ABTB3: variants seen among roughly 807,000 people sequenced by gnomAD.
The protein encoded by ABTB3 is ankyrin repeat- and BTB/POZ domain-containing protein 3.
chr12:107,539,536 C>A, the ABTB3 span, among the ~76,000 whole-genome samples: 2 of 152,170 alleles, frequency 1.3e-5, no homozygotes, highest in Non-Finnish European at 2.9e-5. Flanking sequence ...CAGGAATGAG[C>A]AGCTTTGCAG....
the ABTB3 span, among the ~76,000 whole-genome samples, chr12:107,327,107 G>C: frequency 6.6e-6 from 1 of 152,142 alleles, no homozygotes; most frequent in Non-Finnish European, 1.5e-5. Context: ...CCCAAGGATT[G>C]TTTTAATGCA....
the ABTB3 span, among the ~76,000 whole-genome samples, chr12:107,639,986 G>A: frequency 2.0e-5 from 3 of 152,218 alleles, no homozygotes; most frequent in Admixed American, 1.3e-4. Flanking sequence ...CAGGGAGGGC[G>A]CTGAGCCCTG....
chr12:107,343,988 G>A, the ABTB3 span, among the ~76,000 whole-genome samples: 4 of 152,242 alleles, frequency 2.6e-5, no homozygotes, highest in African/African-American at 9.6e-5. Context: ...GATTTGGGTG[G>A]GGACAGAGAG....
the ABTB3 span, among the ~76,000 whole-genome samples, chr12:107,420,523 C>A: frequency 6.6e-6 from 1 of 152,146 alleles, no homozygotes; most frequent in Non-Finnish European, 1.5e-5. Flanking sequence ...ACGGGTAAAA[C>A]CCACCCCCAT....
At chr12:107,480,687 A>T in the ABTB3 span, among the ~76,000 whole-genome samples, 3 of 152,164 alleles carry the variant, frequency 2.0e-5, no homozygotes, top group African/African-American at 7.2e-5. Flanking sequence ...ACTCCTCGAC[A>T]TTGTATGCAG....
chr12:107,513,132 A>G, the ABTB3 span, among the ~76,000 whole-genome samples: 1 of 152,222 alleles, frequency 6.6e-6, no homozygotes, highest in African/African-American at 2.4e-5. Context: ...TGCTAAGCAG[A>G]GTGCCTGGCC....
the ABTB3 span, among the ~76,000 whole-genome samples, chr12:107,575,879 A>G: frequency 6.6e-6 from 1 of 152,184 alleles, no homozygotes; most frequent in South Asian, 2.1e-4. Context: ...GGTGGGAGGC[A>G]TTCTTCAGCC....
At chr12:107,516,035 ATGTG>A in the ABTB3 span, among the ~76,000 whole-genome samples, 3,144 of 125,014 alleles carry the variant, frequency 0.025, 102 homozygotes, top group African/African-American at 0.094. Flanking sequence ...GTGTGTGTGC[ATGTG>A]TGTGTGTGTG....
chr12:107,607,798 C>T, the ABTB3 span, among the ~76,000 whole-genome samples: 1 of 152,190 alleles, frequency 6.6e-6, no homozygotes, highest in East Asian at 1.9e-4. Context: ...AAGGCTCCTC[C>T]GCAAATATGA....
chr12:107,647,288 C>T, the ABTB3 span, among the ~76,000 whole-genome samples: 4 of 152,164 alleles, frequency 2.6e-5, no homozygotes. Flanking sequence ...TATGATCACA[C>T]CACTGCACTC....
chr12:107,532,555 G>A, the ABTB3 span, among the ~76,000 whole-genome samples: 1 of 152,090 alleles, frequency 6.6e-6, no homozygotes, highest in East Asian at 1.9e-4. Context: ...CCTTGCAAAA[G>A]CTACTCCATA....
At chr12:107,355,471 C>T in the ABTB3 span, among the ~76,000 whole-genome samples, 2 of 152,330 alleles carry the variant, frequency 1.3e-5, 1 homozygote, top group Non-Finnish European at 2.9e-5. Flanking sequence ...TAAACAAAGT[C>T]ATTTTCTTGT....
chr12:107,478,857 A>C, the ABTB3 span, among the ~76,000 whole-genome samples: 3 of 152,054 alleles, frequency 2.0e-5, no homozygotes, highest in Non-Finnish European at 4.4e-5. Flanking sequence ...AATGGCCCTC[A>C]GTCCCCATTA....
the ABTB3 span, among the ~76,000 whole-genome samples, chr12:107,589,226 T>C: frequency 6.6e-6 from 1 of 152,242 alleles, no homozygotes; most frequent in African/African-American, 2.4e-5. Flanking sequence ...AGGTCAGTTC[T>C]TTCTGGTTGC....
At chr12:107,391,521 A>C in the ABTB3 span, among the ~76,000 whole-genome samples, 1 of 152,154 alleles carries the variant, frequency 6.6e-6, no homozygotes, top group African/African-American at 2.4e-5. Flanking sequence ...CTCCCCACCT[A>C]CTGTAAGGGA....
At chr12:107,513,589 A>C in the ABTB3 span, among the ~76,000 whole-genome samples, 1 of 152,162 alleles carries the variant, frequency 6.6e-6, no homozygotes, top group African/African-American at 2.4e-5. Flanking sequence ...GAGACAATTA[A>C]ACCTCTTTCC....
At chr12:107,404,868 G>T in the ABTB3 span, among the ~76,000 whole-genome samples, 1 of 152,172 alleles carries the variant, frequency 6.6e-6, no homozygotes, top group Non-Finnish European at 1.5e-5. Flanking sequence ...TTGAGACACT[G>T]TTCATATGTC....
At chr12:107,473,625 C>T in the ABTB3 span, among the ~76,000 whole-genome samples, 25 of 151,770 alleles carry the variant, frequency 1.6e-4, no homozygotes, top group South Asian at 5.2e-3. Flanking sequence ...AATAGTTTCA[C>T]TTGCTTTTGA....
At chr12:107,395,679 T>C in the ABTB3 span, among the ~76,000 whole-genome samples, 1 of 152,116 alleles carries the variant, frequency 6.6e-6, no homozygotes, top group African/African-American at 2.4e-5. Context: ...TTGGCCACGC[T>C]CCCCAGGTGC....
Sources: gnomAD v4.1 joint callset for allele counts (sites outside exome capture counted in the v4.1 genomes callset) on GRCh38, gnomAD v4.1.1 for gene constraint, MANE v1.5 for transcripts, NCBI Gene and HGNC (gene_info 2026-07-23, HGNC 2026-07-21) for gene names.